Variants in NKAIN2 observed in about 807,000 individuals in gnomAD.
The protein encoded by NKAIN2 is sodium/potassium-transporting ATPase subunit beta-1-interacting protein 2.
In NKAIN2, 14 loss-of-function variants were observed where a neutral mutation model predicts 32.6. The observed-to-expected ratio is 0.43, with a 90% CI of 0.28 to 0.67. The LOEUF is 0.67. NKAIN2 is among the 30% of genes least tolerant of loss of function. NKAIN2 has a pLI of 0.17. For synonymous variants in NKAIN2, 80 were observed against 87.2 expected, an observed-to-expected ratio of 0.92 and a Z score of 0.46; for missense variants, 198 against 258.3, an observed-to-expected ratio of 0.77 and a Z score of 1.60.
At chr6:124,794,375 G>A (rs1402864170) in intron 5 of NKAIN2, among the ~76,000 whole-genome samples, 1 of 152,142 alleles carries the variant, frequency 6.6e-6, no homozygotes, top group Admixed American at 6.5e-5. Context: ...CCAAAGCAAT[G>A]TAAATTCAAG....
intron 1 of NKAIN2, among the ~76,000 whole-genome samples, chr6:124,178,581 G>A (rs1414866694): frequency 6.6e-6 from 1 of 152,170 alleles, no homozygotes; most frequent in African/African-American, 2.4e-5. Flanking sequence ...ACAGGCATGA[G>A]CCACCACACC....
At chr6:124,235,136 A>G (rs1214704880) in intron 1 of NKAIN2, among the ~76,000 whole-genome samples, 2 of 152,208 alleles carry the variant, frequency 1.3e-5, no homozygotes, top group Non-Finnish European at 2.9e-5. Context: ...AAATAAGTAT[A>G]CTTTAGCTTA....
chr6:124,510,793 T>G (rs1041310904), intron 3 of NKAIN2, among the ~76,000 whole-genome samples: 2 of 152,202 alleles, frequency 1.3e-5, no homozygotes, highest in African/African-American at 4.8e-5. Flanking sequence ...ATGCATTTTA[T>G]TAAACAACAA....
chr6:124,116,112 G>A (rs1450713506), intron 1 of NKAIN2, among the ~76,000 whole-genome samples: 4 of 151,908 alleles, frequency 2.6e-5, no homozygotes, highest in Admixed American at 6.6e-5. Flanking sequence ...TTCTTATTGG[G>A]TTAATATCAG....
intron 1 of NKAIN2, among the ~76,000 whole-genome samples, chr6:124,212,883 A>G (rs1791263501): frequency 6.6e-6 from 1 of 152,158 alleles, no homozygotes; most frequent in African/African-American, 2.4e-5. Flanking sequence ...AATAACATTC[A>G]TGTATGATCA....
chr6:124,532,117 G>A (rs1779547921), intron 3 of NKAIN2, among the ~76,000 whole-genome samples: 2 of 152,172 alleles, frequency 1.3e-5, no homozygotes, highest in Non-Finnish European at 2.9e-5. Flanking sequence ...CTGCTTCCAG[G>A]GAGAATGTAC....
At chr6:124,009,887 A>G (rs1374925087) in intron 1 of NKAIN2, among the ~76,000 whole-genome samples, 3 of 152,100 alleles carry the variant, frequency 2.0e-5, no homozygotes, top group South Asian at 2.1e-4. Flanking sequence ...GCGTATGTAT[A>G]TGTGTATAAA....
chr6:124,442,583 C>A (rs1775735311), intron 3 of NKAIN2, among the ~76,000 whole-genome samples: 1 of 152,058 alleles, frequency 6.6e-6, no homozygotes, highest in Admixed American at 6.6e-5. Flanking sequence ...TGCCCAATCC[C>A]TGAAATACCA....
At chr6:124,312,903 G>C (rs921705627) in intron 2 of NKAIN2, among the ~76,000 whole-genome samples, 1 of 151,890 alleles carries the variant, frequency 6.6e-6, no homozygotes, top group African/African-American at 2.4e-5. Flanking sequence ...TCAGCTCCAA[G>C]ACAGAAAAGC....
intron 1 of NKAIN2, among the ~76,000 whole-genome samples, chr6:123,991,603 C>T (rs1779413589): frequency 1.3e-5 from 2 of 152,256 alleles, no homozygotes; most frequent in African/African-American, 4.8e-5. Context: ...TGGCTCATGC[C>T]TGTAATCCCA....
intron 1 of NKAIN2, among the ~76,000 whole-genome samples, chr6:123,900,344 G>A (rs960291174): frequency 5.3e-5 from 8 of 151,540 alleles, no homozygotes; most frequent in African/African-American, 1.9e-4. Flanking sequence ...ACGGTGGCAC[G>A]TGCCTGTAGT....
At chr6:124,385,565 G>A (rs1027540183) in intron 3 of NKAIN2, among the ~76,000 whole-genome samples, 2 of 152,118 alleles carry the variant, frequency 1.3e-5, no homozygotes, top group Non-Finnish European at 2.9e-5. Context: ...TTTTAATTCT[G>A]TATATCCACA....
intron 4 of NKAIN2, among the ~76,000 whole-genome samples, chr6:124,752,159 G>GC (rs1471371150): frequency 3.3e-5 from 5 of 151,762 alleles, no homozygotes; most frequent in Admixed American, 6.6e-5. Context: ...CCACATCATG[G>GC]CCCGTGCTAT....
chr6:124,228,658 A>T (rs1039763327), intron 1 of NKAIN2, among the ~76,000 whole-genome samples: 2 of 152,128 alleles, frequency 1.3e-5, no homozygotes, highest in Non-Finnish European at 2.9e-5. Flanking sequence ...ACTTGGCTGC[A>T]GTCTATGCTG....
intron 1 of NKAIN2, among the ~76,000 whole-genome samples, chr6:124,042,396 C>T (rs1004201356): frequency 6.6e-6 from 1 of 152,070 alleles, no homozygotes; most frequent in Non-Finnish European, 1.5e-5. Flanking sequence ...GCAACATAAC[C>T]ATATTAATGG....
intron 1 of NKAIN2, among the ~76,000 whole-genome samples, chr6:124,106,993 G>A (rs192763944): frequency 2.6e-5 from 4 of 152,302 alleles, no homozygotes; most frequent in African/African-American, 9.6e-5. Context: ...TAAAACGAAT[G>A]AAGTGGGTAG....
intron 1 of NKAIN2, among the ~76,000 whole-genome samples, chr6:124,242,684 C>T (rs1163903395): frequency 2.0e-5 from 3 of 151,998 alleles, no homozygotes; most frequent in East Asian, 3.9e-4. Flanking sequence ...AAAATGTGGA[C>T]GTATACACCA....
intron 1 of NKAIN2, among the ~76,000 whole-genome samples, chr6:124,080,750 A>G (rs923658391): frequency 6.6e-6 from 1 of 152,038 alleles, no homozygotes; most frequent in African/African-American, 2.4e-5. Flanking sequence ...CCCCCCTCCA[A>G]GATCTTTATA....
Position 124,550,182 on chromosome 6 carries a change from A to C in NKAIN2, c.274-108004A>C, listed in dbSNP as rs145137253. 1.8e-3 allele frequency among the ~76,000 whole-genome samples: 268 copies of C among 152,292 alleles called. 11 individuals carry two copies. In the East Asian group the frequency reaches 0.045, roughly 26 times the overall value. The stretch of plus-strand genomic sequence containing the variant: ...TATTTAGTTAGCAAATAATTTATTC[A>C]GTTATTTAATTACCTATTTATATCA... On this transcript the variant is annotated intron_variant, in intron 3 of 6. Coordinates refer to ENST00000368417, the MANE Select transcript of NKAIN2 (RefSeq NM_001040214.3).
Sources: gnomAD v4.1 joint callset for allele counts (sites outside exome capture counted in the v4.1 genomes callset) on GRCh38, gnomAD v4.1.1 for gene constraint, MANE v1.5 for transcripts, NCBI Gene and HGNC (gene_info 2026-07-23, HGNC 2026-07-21) for gene names.